Variants in ASB5 observed in about 807,000 individuals in gnomAD.
ASB5 encodes ankyrin repeat and SOCS box containing 5.
In ASB5, 45 loss-of-function variants were observed where a neutral mutation model predicts 42.1. The ratio of observed to expected loss-of-function variants is 1.07; its 90% CI spans 0.84 to 1.37. The LOEUF is 1.37. Ranked by LOEUF, ASB5 falls within the 40% of genes most tolerant of loss-of-function variation. ASB5 has a pLI of 0.00. For synonymous variants in ASB5, 147 were observed against 150.6 expected (o/e 0.98, Z 0.18); for missense variants, 402 against 399.8 (o/e 1.01, Z -0.05).
Position 176,214,112 on chromosome 4 carries a change from GA to G in ASB5, c.*1487del, listed in dbSNP as rs1355084988. On this transcript the variant is annotated 3_prime_UTR_variant, in exon 7 of 7. Transcript: ENST00000296525. ...ATGCTACAGCTTTATTTCTATGTTT[GA>G]AAATCTCAACAAACGTTTTAAATCA... The G allele has an allele frequency of 6.6e-6, 1 of 152,000 alleles. No individual in the cohort carries two copies. The highest frequency in any genetic ancestry group is 2.4e-5 in the African/African-American group (1 of 41,430). The allele number at this position is 152,000 out of a possible 1,614,324, so 9.4% of individuals were successfully genotyped here. A position where few individuals can be genotyped will look rare whatever the true frequency, so the allele number is the denominator to read the frequency against.
chr4:176,276,735 G>A (rs73009225), intron 1 of ASB5, among the ~76,000 whole-genome samples: 2,481 of 152,224 alleles, frequency 0.016, 66 homozygotes, highest in African/African-American at 0.056. Context: ...ATGTGATCGT[G>A]GCAATGATAA....
chr4:176,246,523 G>A (rs1753916049), intron 1 of ASB5, among the ~76,000 whole-genome samples: 1 of 152,202 alleles, frequency 6.6e-6, no homozygotes. Context: ...TATTTAGTGA[G>A]TTCAGGTGCT....
At position 176,269,133 on chromosome 4, in the gene ASB5, C is replaced by G; in HGVS notation, c.-25G>C. 1.3e-6 allele frequency: 2 copies of G among 1,594,152 alleles called. No homozygotes were observed. Among genetic ancestry groups the G allele is most frequent in the Non-Finnish European group, 1.7e-6 (2 of 1,168,278 alleles). ...TTGCTGCAGAAGAATCTGCGGCGGT[C>G]TTTAGTTGGATCCAAGTCTCAAATG... On this transcript the variant is annotated 5_prime_UTR_variant, in exon 1 of 7. Coordinates refer to ENST00000296525, the MANE Select transcript of ASB5 (RefSeq NM_080874.4).
At chr4:176,225,445 T>A in intron 1 of ASB5, 104 bp from the exon 2 acceptor site, 1 of 989,130 alleles carries the variant, frequency 1.0e-6, no homozygotes, top group South Asian at 1.4e-5. Flanking sequence ...TTATTCACAC[T>A]CAGTGTTCAA....
intron 2 of ASB5, among the ~76,000 whole-genome samples, chr4:176,222,987 C>G (rs1211875258): frequency 5.3e-5 from 8 of 152,066 alleles, no homozygotes; most frequent in Admixed American, 5.2e-4. Flanking sequence ...ACTGTGTTAG[C>G]CAGGATGGTC....
chr4:176,253,304 A>G (rs1754080963), intron 1 of ASB5, among the ~76,000 whole-genome samples: 1 of 152,258 alleles, frequency 6.6e-6, no homozygotes, highest in Admixed American at 6.5e-5. Context: ...GTGATTTACT[A>G]AAAGTTCTTT....
At chr4:176,230,397 T>C (rs1339555825) in intron 1 of ASB5, among the ~76,000 whole-genome samples, 1 of 152,178 alleles carries the variant, frequency 6.6e-6, no homozygotes, top group Non-Finnish European at 1.5e-5. Flanking sequence ...ACAACTGCTG[T>C]TATATTTTTT....
rs990986631 is a variant in ASB5, at chr4:176,214,748, G to C, written c.*852C>G. The C allele has an allele frequency of 6.6e-6, 1 of 152,030 alleles. No individual in the cohort carries two copies. The highest frequency in any genetic ancestry group is 2.4e-5 in the African/African-American group (1 of 41,404). The allele number at this position is 152,030 out of a possible 1,614,324, so 9.4% of individuals were successfully genotyped here. On this transcript the variant is annotated 3_prime_UTR_variant, in exon 7 of 7. Coordinates refer to ENST00000296525, the MANE Select transcript of ASB5 (RefSeq NM_080874.4). ...CCGGAATATGATCCAGGGCCTGTTTGTTAATTAGATATATAGTTCATTTTC... is the reference window on the plus strand; with the variant it reads ...CCGGAATATGATCCAGGGCCTGTTTCTTAATTAGATATATAGTTCATTTTC...
rs2126934250 is a variant in ASB5, at chr4:176,214,608, T to A, written c.*992A>T. 6.6e-6 allele frequency: 1 copy of A among 152,288 alleles called. No homozygotes were observed. Among genetic ancestry groups the A allele is most frequent in the East Asian group, 1.9e-4 (1 of 5,186 alleles). 9.4% of individuals were successfully genotyped at this position (152,288 alleles called of 1,614,324 possible). A position where few individuals can be genotyped will look rare whatever the true frequency, so the allele number is the denominator to read the frequency against. ...TTAGAAACAGTGCGATTAAGTTCTC[T>A]ATATACATTTTTTAAGGTCTCCAAT... On this transcript the variant is annotated 3_prime_UTR_variant, in exon 7 of 7. Transcript: ENST00000296525.
chr4:176,273,061 C>T (rs1011747649), upstream of ASB5, among the ~76,000 whole-genome samples: 2 of 151,648 alleles, frequency 1.3e-5, no homozygotes, highest in Non-Finnish European at 2.9e-5. Flanking sequence ...GCAGTCCTCC[C>T]ACCTCAGCCA....
chr4:176,255,627 G>A (rs533237973), intron 1 of ASB5, among the ~76,000 whole-genome samples: 7 of 152,326 alleles, frequency 4.6e-5, no homozygotes, highest in South Asian at 2.1e-4. Flanking sequence ...TAAATGCTGC[G>A]TGTTGTCACT....
At chr4:176,240,108 T>A (rs947350178) in intron 1 of ASB5, among the ~76,000 whole-genome samples, 1 of 152,106 alleles carries the variant, frequency 6.6e-6, no homozygotes, top group Non-Finnish European at 1.5e-5. Flanking sequence ...CACTGTGAAA[T>A]CTCGAGATAT....
At chr4:176,261,755 C>T (rs1420658342) in intron 1 of ASB5, among the ~76,000 whole-genome samples, 1 of 152,078 alleles carries the variant, frequency 6.6e-6, no homozygotes, top group African/African-American at 2.4e-5. Context: ...TTCCTTTTAG[C>T]GCCATATGGT....
chr4:176,262,735 C>T (rs1230126366), intron 1 of ASB5, among the ~76,000 whole-genome samples: 1 of 152,054 alleles, frequency 6.6e-6, no homozygotes, highest in African/African-American at 2.4e-5. Context: ...TGCCTTTGAC[C>T]TGGTAGATAC....
intron 1 of ASB5, among the ~76,000 whole-genome samples, chr4:176,263,888 ATT>A (rs1754309306): frequency 6.6e-6 from 1 of 152,176 alleles, no homozygotes; most frequent in African/African-American, 2.4e-5. Context: ...GATGGAGTTT[ATT>A]AATGGAGAAA....
chr4:176,225,002 T>C (rs574857191), intron 2 of ASB5, among the ~76,000 whole-genome samples: 2 of 152,372 alleles, frequency 1.3e-5, no homozygotes, highest in South Asian at 2.1e-4. Flanking sequence ...ATAAATCCAA[T>C]CATTACTTCT....
intron 1 of ASB5, among the ~76,000 whole-genome samples, chr4:176,229,459 T>C (rs1753467656): frequency 6.6e-6 from 1 of 152,200 alleles, no homozygotes. Context: ...AAAATGATTG[T>C]ATTAGTCTTC....
At position 176,221,297 on chromosome 4, in the gene ASB5, C is replaced by G; in HGVS notation, c.536-8G>C. The G allele has an allele frequency of 6.2e-7, 1 of 1,613,618 alleles. No homozygotes were observed. Among genetic ancestry groups the G allele is most frequent in the Non-Finnish European group, 8.5e-7 (1 of 1,179,764 alleles). ...CAAGACATTCATGGTGACCTGCCAA[C>G]ACAAAGTAGAGGAGTTTAACTTAAT... On this transcript the variant is annotated splice_region_variant and splice_polypyrimidine_tract_variant and intron_variant, in intron 4 of 6. Coordinates refer to ENST00000296525, the MANE Select transcript of ASB5 (RefSeq NM_080874.4).
chr4:176,275,278 G>C (rs536860320), intron 2 of ASB5, among the ~76,000 whole-genome samples: 3 of 151,918 alleles, frequency 2.0e-5, no homozygotes, highest in African/African-American at 4.8e-5. Flanking sequence ...CATTTCTTGA[G>C]GTAAAATATA....
Sources: gnomAD v4.1 joint callset for allele counts (sites outside exome capture counted in the v4.1 genomes callset) on GRCh38, gnomAD v4.1.1 for gene constraint, MANE v1.5 for transcripts, NCBI Gene and HGNC (gene_info 2026-07-23, HGNC 2026-07-21) for gene names.